DDHD1: variants seen among roughly 807,000 people sequenced by gnomAD.
The protein encoded by DDHD1 is DDHD domain containing 1, also known as phospholipase DDHD1.
DDHD1 carries 49 observed loss-of-function variants against 96.4 expected under a neutral mutation model. The ratio of observed to expected loss-of-function variants is 0.51; its 90% CI spans 0.40 to 0.64. DDHD1 has a LOEUF of 0.64. Ranked by LOEUF, DDHD1 falls within the 30% of genes least tolerant of loss-of-function variation. The pLI is 0.00. For missense variants in DDHD1, 1,106 were observed against 1,161.2 expected (o/e 0.95, Z 0.69); for synonymous variants, 442 against 446.5 (o/e 0.99, Z 0.13).
At chr14:53,058,358 G>A (rs1001804504) in intron 9 of DDHD1, 119 bp downstream of exon 9, 64 of 1,129,010 alleles carry the variant, frequency 5.7e-5, no homozygotes, top group Middle Eastern at 4.5e-4. Flanking sequence ...CAGATGATGC[G>A]CCCGCCTCAG....
At chr14:53,060,880 A>T (rs1188251866) in intron 8 of DDHD1, among the ~76,000 whole-genome samples, 3 of 152,162 alleles carry the variant, frequency 2.0e-5, no homozygotes, top group South Asian at 2.1e-4. Context: ...CTGTACATAT[A>T]TTGTTCTGTA....
rs1888569216 is a variant in DDHD1 at position 53,116,746 on chromosome 14, C to T, written c.839-12890G>A. On this transcript the variant is annotated intron_variant, in intron 1 of 12. Transcript: ENST00000673822. ...GCGGTGTTAAGATGGAAATTTATAG[C>T]ACTAAATACCCACATCAGAAAGCAA... Among the ~76,000 whole-genome samples the T allele has an allele frequency of 2.0e-5, 3 of 152,152 alleles. No individual in the cohort carries two copies. In the South Asian group the frequency reaches 6.2e-4, roughly 32 times the overall value.
At chr14:53,105,060 G>C (rs1887583860) in intron 1 of DDHD1, among the ~76,000 whole-genome samples, 1 of 151,782 alleles carries the variant, frequency 6.6e-6, no homozygotes, top group Non-Finnish European at 1.5e-5. Flanking sequence ...TAGGAACCTA[G>C]ATTTTAAGCA....
intron 1 of DDHD1, among the ~76,000 whole-genome samples, chr14:53,124,939 C>CT (rs760076976): frequency 5.3e-5 from 8 of 152,176 alleles, no homozygotes; most frequent in Non-Finnish European, 1.2e-4. Flanking sequence ...TGGTCATCTT[C>CT]TTGCTGTGTC....
chr14:53,055,019 C>T (rs1408339866), intron 10 of DDHD1, among the ~76,000 whole-genome samples: 1 of 152,100 alleles, frequency 6.6e-6, no homozygotes, highest in Non-Finnish European at 1.5e-5. Context: ...AAAAAGCCAT[C>T]AATAAACAAT....
intron 4 of DDHD1, among the ~76,000 whole-genome samples, chr14:53,081,333 A>T (rs973804305): frequency 2.6e-5 from 4 of 152,258 alleles, no homozygotes; most frequent in African/African-American, 9.6e-5. Flanking sequence ...GAACATATTT[A>T]AAAATTTCTA....
intron 1 of DDHD1, among the ~76,000 whole-genome samples, chr14:53,112,089 A>G (rs575590092): frequency 8.2e-4 from 125 of 152,166 alleles, no homozygotes; most frequent in Non-Finnish European, 1.5e-3. Flanking sequence ...AACTTTGTCT[A>G]CTGCTAATCT....
rs1313868434 is a variant in DDHD1, at chr14:53,138,143, G to A, written c.838+14118C>T. ...TTAAAGGCTGGGTGCGGTGGCCCAT[G>A]CCTGTAATCCCAGGACTTTCAGAGG... On this transcript the variant is annotated intron_variant, in intron 1 of 12. Transcript: ENST00000673822. Among the ~76,000 whole-genome samples the A allele has an allele frequency of 3.3e-5, 5 of 152,352 alleles. No individual in the cohort carries two copies. The East Asian group carries it at 9.6e-4, about 29-fold the overall frequency.
chr14:53,086,611 T>C (rs1885981404), intron 4 of DDHD1, among the ~76,000 whole-genome samples: 2 of 152,104 alleles, frequency 1.3e-5, no homozygotes, highest in Non-Finnish European at 2.9e-5. Flanking sequence ...TGAGAGATTC[T>C]GTCACCCCCG....
intron 1 of DDHD1, among the ~76,000 whole-genome samples, chr14:53,136,156 T>C (rs1032447522): frequency 1.3e-5 from 2 of 152,146 alleles, no homozygotes; most frequent in East Asian, 1.9e-4. Flanking sequence ...CCGCAAAACA[T>C]TGCTCCTACC....
chr14:53,123,851 T>A (rs1405198838), intron 1 of DDHD1, among the ~76,000 whole-genome samples: 1 of 152,232 alleles, frequency 6.6e-6, no homozygotes, highest in Admixed American at 6.5e-5. Flanking sequence ...GAGATGCTGA[T>A]TATATTTTTT....
At position 53,045,432 on chromosome 14, in the gene DDHD1, C is replaced by T; in HGVS notation, c.*1336G>A. 6.6e-6 allele frequency: 1 copy of T among 152,214 alleles called. No homozygotes were observed. Among genetic ancestry groups the T allele is most frequent in the East Asian group, 1.9e-4 (1 of 5,194 alleles). 9.4% of individuals were successfully genotyped at this position (152,214 alleles called of 1,614,324 possible). ...GAGAAGAGGGTCTCACTATGTTGCC[C>T]AAGCTGGTCTTGAAATCCTGGGCTC... is the stretch of plus-strand genomic sequence containing the variant. On this transcript the variant is annotated 3_prime_UTR_variant, in exon 13 of 13. Transcript: ENST00000673822.
Position 53,152,632 on chromosome 14 carries a change from C to A in DDHD1, c.467G>T (p.Arg156Leu). The A allele has an allele frequency of 6.2e-7, 1 of 1,613,248 alleles. No individual in the cohort carries two copies. Among genetic ancestry groups the A allele is most frequent in the South Asian group, 1.1e-5 (1 of 91,082 alleles). ...TRLGGPAARH[R>L]YEVVTELGPE... is the part of the protein sequence containing the mutation. ...GCCCAGCTCCGTCACTACCTCATAGCGGTGCCGGGCCGCCGGGCCGCCAAG... is the reference window on the plus strand; with the variant it reads ...GCCCAGCTCCGTCACTACCTCATAGAGGTGCCGGGCCGCCGGGCCGCCAAG... The change falls in exon 1 of 13, where the codon CGC becomes CTC. Residue 156 changes from arginine to leucine, a missense_variant. Physicochemically the swap from Arg to Leu is moderately radical, Grantham distance 102 (BLOSUM62 -2). Transcript: ENST00000673822.
At chr14:53,069,700 C>A (rs1884348777) in intron 6 of DDHD1, among the ~76,000 whole-genome samples, 3 of 152,182 alleles carry the variant, frequency 2.0e-5, no homozygotes, top group African/African-American at 7.2e-5. Context: ...TTACAACACA[C>A]ATGCATATTT....
chr14:53,112,747 T>C lies in DDHD1; in HGVS notation c.839-8891A>G, dbSNP rs181108412. On this transcript the variant is annotated intron_variant, in intron 1 of 12. Coordinates refer to ENST00000673822, the MANE Select transcript of DDHD1 (RefSeq NM_001160148.2). ...TAGTCTTTACAGCATCTATCATCTA[T>C]ACCAGTATAATTTGTGGAGCCTACA... 4.6e-5 allele frequency among the ~76,000 whole-genome samples: 7 copies of C among 152,322 alleles called. No homozygotes were observed. In the South Asian group the frequency reaches 6.2e-4, roughly 14 times the overall value.
intron 1 of DDHD1, among the ~76,000 whole-genome samples, chr14:53,109,414 A>C (rs886378211): frequency 6.6e-6 from 1 of 150,424 alleles, no homozygotes; most frequent in Non-Finnish European, 1.5e-5. Context: ...CTATTTTCTC[A>C]GTCTCTTAAG....
intron 2 of DDHD1, among the ~76,000 whole-genome samples, chr14:53,102,308 G>A (rs1435289957): frequency 6.6e-6 from 1 of 151,978 alleles, no homozygotes; most frequent in Non-Finnish European, 1.5e-5. Context: ...GGAGAACAAA[G>A]TATTACATGG....
chr14:53,087,718 T>C (rs758442978), intron 4 of DDHD1, among the ~76,000 whole-genome samples: 7 of 152,080 alleles, frequency 4.6e-5, no homozygotes, highest in Non-Finnish European at 2.9e-5. Flanking sequence ...AGAAAAGATC[T>C]AACATTGACA....
chr14:53,112,973 T>G (rs548396765), intron 1 of DDHD1, among the ~76,000 whole-genome samples: 9 of 152,160 alleles, frequency 5.9e-5, no homozygotes, highest in Non-Finnish European at 1.2e-4. Context: ...TTTTTTTTGT[T>G]TTTTGAGACA....
Sources: allele counts gnomAD v4.1 joint callset (sites outside exome capture counted in the v4.1 genomes callset), GRCh38; gene constraint gnomAD v4.1.1; transcripts MANE v1.5; gene names NCBI Gene and HGNC (gene_info 2026-07-23, HGNC 2026-07-21).